The following ZMYND8 variants were observed in gnomAD, a reference collection of about 807,000 sequenced individuals.
ZMYND8 encodes MYND-type zinc finger-containing chromatin reader ZMYND8.
A neutral mutation model predicts 140.8 loss-of-function variants in ZMYND8; 37 were observed. The observed-to-expected ratio is 0.26, with a 90% CI of 0.20 to 0.35. The LOEUF is 0.35. Among genes scored for constraint, ZMYND8 ranks in the 10% least tolerant of loss-of-function variants. The pLI, the probability that ZMYND8 is intolerant of heterozygous loss-of-function variation, is 1.00. For synonymous variants in ZMYND8, 592 were observed against 597.1 expected, an observed-to-expected ratio of 0.99 and a Z score of 0.12; for missense variants, 1,068 against 1,570.0, an observed-to-expected ratio of 0.68 and a Z score of 5.40.
At chr20:47,279,039 C>A (rs2076431133) in intron 10 of ZMYND8, among the ~76,000 whole-genome samples, 1 of 152,056 alleles carries the variant, frequency 6.6e-6, no homozygotes. Flanking sequence ...GGTATCATAA[C>A]CTCGCCCCCC....
intron 16 of ZMYND8, among the ~76,000 whole-genome samples, chr20:47,233,736 T>C (rs1009276336): frequency 1.2e-4 from 18 of 152,172 alleles, no homozygotes; most frequent in Admixed American, 5.2e-4. Flanking sequence ...TTCTCATCTA[T>C]AAAATTGGGG....
chr20:47,329,494 TCCC>T, intron 2 of ZMYND8, among the ~76,000 whole-genome samples: 1 of 152,216 alleles, frequency 6.6e-6, no homozygotes, highest in South Asian at 2.1e-4. Context: ...AACCTCCTCC[TCCC>T]GAGTTCAAGC....
chr20:47,250,521 A>G (rs2074084642), intron 12 of ZMYND8, among the ~76,000 whole-genome samples: 1 of 152,232 alleles, frequency 6.6e-6, no homozygotes. Flanking sequence ...CCCAACAGCT[A>G]TCAGGTTGCT....
intron 10 of ZMYND8, among the ~76,000 whole-genome samples, chr20:47,278,991 G>A (rs2076428539): frequency 6.6e-6 from 1 of 151,584 alleles, no homozygotes; most frequent in African/African-American, 2.4e-5. Flanking sequence ...GGAGAATCAA[G>A]AGGCAGGGCC....
At chr20:47,221,031 C>A (rs940758857) in intron 20 of ZMYND8, among the ~76,000 whole-genome samples, 7 of 152,226 alleles carry the variant, frequency 4.6e-5, no homozygotes, top group African/African-American at 1.7e-4. Context: ...AGCTACCATT[C>A]TGGACGGGAA....
At position 47,310,041 on chromosome 20, in the gene ZMYND8, C is replaced by A; in HGVS notation, c.234+15G>T. On this transcript the variant is annotated intron_variant, in intron 3 of 22. Transcript: ENST00000471951. Reference sequence around the variant, plus strand: ...GTCCCACCAGTGAGGACACCGTTCCCAGCGGCTGCTTTACCTGCTCCTTAT... The same window carrying A: ...GTCCCACCAGTGAGGACACCGTTCCAAGCGGCTGCTTTACCTGCTCCTTAT... 6.2e-7 allele frequency: 1 copy of A among 1,614,150 alleles called. No homozygotes were observed. The highest frequency in any genetic ancestry group is 1.1e-5 in the South Asian group (1 of 91,070).
chr20:47,273,490 G>C (rs1240711669), intron 11 of ZMYND8, among the ~76,000 whole-genome samples: 1 of 152,178 alleles, frequency 6.6e-6, no homozygotes, highest in Non-Finnish European at 1.5e-5. Context: ...AGGTTGCAGT[G>C]AGCCGAGATC....
At chr20:47,326,239 T>C (rs2080404843) in intron 2 of ZMYND8, among the ~76,000 whole-genome samples, 1 of 152,172 alleles carries the variant, frequency 6.6e-6, no homozygotes. Context: ...ATTACAGGCA[T>C]GAGCCACCAC....
chr20:47,257,332 C>T (rs1023183410), intron 12 of ZMYND8, among the ~76,000 whole-genome samples: 1 of 152,008 alleles, frequency 6.6e-6, no homozygotes, highest in African/African-American at 2.4e-5. Flanking sequence ...TACACAAATA[C>T]ACATACACTC....
At chr20:47,220,130 A>AT (rs2036730644) in intron 21 of ZMYND8, 128 bp downstream of exon 21, 1 of 637,112 alleles carries the variant, frequency 1.6e-6, no homozygotes, top group African/African-American at 1.9e-5. Context: ...CACCCCAGGC[A>AT]CCCCTAAGGA....
At position 47,276,579 on chromosome 20, in the gene ZMYND8, G is replaced by A. The variant is rs775579825; in HGVS notation, c.1215C>T (p.Ser405=). The change falls in exon 11 of 23, where the codon AGC becomes AGT. Residue 405 remains serine, a synonymous_variant. Coordinates refer to ENST00000471951, the MANE Select transcript of ZMYND8 (RefSeq NM_001281775.3). ...GCTTGTCTATCTTGGCAGTGCCGGC[G>A]CTGGGGTTGGTGGGATCGAGCAGCA... ...YQMLLDPTNP[S]AGTAKIDKQE... The A allele has an allele frequency of 2.4e-5, 38 of 1,613,780 alleles. No individual in the cohort carries two copies. Among genetic ancestry groups the A allele is most frequent in the Non-Finnish European group, 3.0e-5 (35 of 1,180,018 alleles).
At chr20:47,258,860 C>T (rs1201061328) in intron 12 of ZMYND8, among the ~76,000 whole-genome samples, 1 of 152,170 alleles carries the variant, frequency 6.6e-6, no homozygotes, top group Middle Eastern at 3.2e-3. Flanking sequence ...GATCCTCTTC[C>T]CGTTAGGTCA....
chr20:47,261,355 A>C (rs1482346758), intron 12 of ZMYND8, among the ~76,000 whole-genome samples: 3 of 151,824 alleles, frequency 2.0e-5, no homozygotes, highest in African/African-American at 7.3e-5. Context: ...TGGGCAACAC[A>C]GCAAGACCCA....
At chr20:47,284,017 C>T (rs1347082569) in intron 8 of ZMYND8, among the ~76,000 whole-genome samples, 1 of 152,044 alleles carries the variant, frequency 6.6e-6, no homozygotes, top group Non-Finnish European at 1.5e-5. Context: ...TCGCTTCCTG[C>T]GTTCAAGCAA....
chr20:47,321,978 A>T (rs2079995869), intron 2 of ZMYND8, among the ~76,000 whole-genome samples: 1 of 147,898 alleles, frequency 6.8e-6, no homozygotes, highest in South Asian at 2.1e-4. Context: ...CTCCTGTCTC[A>T]GCCTCCCAAG....
At chr20:47,253,336 A>T (rs1221599950) in intron 12 of ZMYND8, among the ~76,000 whole-genome samples, 2 of 152,142 alleles carry the variant, frequency 1.3e-5, no homozygotes, top group East Asian at 3.9e-4. Flanking sequence ...CAGGAGTTCA[A>T]GACCAACCTG....
chr20:47,324,865 A>AT (rs1341678272), intron 2 of ZMYND8, among the ~76,000 whole-genome samples: 4 of 151,918 alleles, frequency 2.6e-5, no homozygotes, highest in Non-Finnish European at 5.9e-5. Flanking sequence ...TCCTGAAGTT[A>AT]TTTTTTTCCC....
chr20:47,334,351 T>C (rs1040230427), intron 2 of ZMYND8, among the ~76,000 whole-genome samples: 1 of 152,170 alleles, frequency 6.6e-6, no homozygotes, highest in African/African-American at 2.4e-5. Context: ...GCTACAAGAA[T>C]GTGGATGAGC....
intron 7 of ZMYND8, among the ~76,000 whole-genome samples, chr20:47,287,921 A>T (rs373367106): frequency 1.2e-4 from 19 of 152,132 alleles, no homozygotes; most frequent in African/African-American, 4.6e-4. Context: ...GCAGGGACAA[A>T]ATGTGCCCAT....
Sources: gnomAD v4.1 joint callset for allele counts (sites outside exome capture counted in the v4.1 genomes callset) on GRCh38, gnomAD v4.1.1 for gene constraint, MANE v1.5 for transcripts, NCBI Gene and HGNC (gene_info 2026-07-23, HGNC 2026-07-21) for gene names.